The following RUNX1T1 variants were observed in gnomAD, a reference collection of about 807,000 sequenced individuals.
The protein encoded by RUNX1T1 is protein CBFA2T1.
A neutral mutation model predicts 62.8 loss-of-function variants in RUNX1T1; 4 were observed. The observed-to-expected ratio is 0.06, with a 90% CI of 0.03 to 0.15. The LOEUF (loss-of-function observed/expected upper bound fraction) is 0.15, where lower values mean the gene tolerates loss of function less well. RUNX1T1 is among the 10% of genes least tolerant of loss of function. The pLI is 1.00. For missense variants in RUNX1T1, 508 were observed against 754.3 expected (o/e 0.67, Z 3.82); for synonymous variants, 291 against 286.0 (o/e 1.02, Z -0.18).
chr8:91,995,182 G>A (rs1818426669), intron 5 of RUNX1T1, among the ~76,000 whole-genome samples: 1 of 152,140 alleles, frequency 6.6e-6, no homozygotes, highest in Non-Finnish European at 1.5e-5. Context: ...CTTGATCAAT[G>A]AAGGCAAAAA....
chr8:92,032,179 ACAG>A (rs1157502399), intron 1 of RUNX1T1, among the ~76,000 whole-genome samples: 1 of 151,580 alleles, frequency 6.6e-6, no homozygotes. Context: ...GATGGCCAAC[ACAG>A]CAGAATAAAA....
chr8:92,077,311 A>C (rs1295772264), intron 1 of RUNX1T1, among the ~76,000 whole-genome samples: 2 of 152,088 alleles, frequency 1.3e-5, no homozygotes, highest in African/African-American at 4.8e-5. Context: ...GGATCTTGGA[A>C]ACATTTAGCT....
intron 6 of RUNX1T1, among the ~76,000 whole-genome samples, chr8:91,988,216 T>C (rs778378614): frequency 3.9e-5 from 6 of 152,130 alleles, no homozygotes; most frequent in Non-Finnish European, 5.9e-5. Flanking sequence ...CATTTACAAC[T>C]GATGGAAGTG....
At chr8:92,099,686 AT>A (rs1837951606) in exon 1 of RUNX1T1, 3 of 982,472 alleles carry the variant, frequency 3.1e-6, no homozygotes, top group Non-Finnish European at 2.4e-6. Context: ...TGTTGCCTGC[AT>A]AAAACCTCAG....
At chr8:92,081,797 ATCTC>A (rs1225516971) in intron 1 of RUNX1T1, among the ~76,000 whole-genome samples, 7 of 151,792 alleles carry the variant, frequency 4.6e-5, no homozygotes, top group Non-Finnish European at 4.4e-5. Flanking sequence ...CTATCAACTG[ATCTC>A]TCTCTCTCTT....
exon 6 of RUNX1T1, chr8:91,991,674 C>T (rs1731223415): frequency 6.2e-7 from 1 of 1,613,934 alleles, no homozygotes; most frequent in Admixed American, 1.7e-5. Flanking sequence ...GTCCCTGTGG[C>T]TGGGGTGTCG....
chr8:92,102,751 C>A, upstream of RUNX1T1: 2 of 1,199,894 alleles, frequency 1.7e-6, no homozygotes, highest in South Asian at 3.3e-5. The surrounding 1 kb of genome is among the most constrained non-coding windows in gnomAD (Gnocchi z 4.5). Context: ...GCCTCGCGGT[C>A]GAATAATCCA....
intron 1 of RUNX1T1, among the ~76,000 whole-genome samples, chr8:92,091,252 A>T (rs1453996719): frequency 6.6e-6 from 1 of 152,216 alleles, no homozygotes; most frequent in East Asian, 1.9e-4. Flanking sequence ...AAACCGACCA[A>T]AACAAATGCC....
upstream of RUNX1T1, among the ~76,000 whole-genome samples, chr8:92,067,477 T>C (rs950736022): frequency 6.6e-6 from 1 of 152,226 alleles, no homozygotes; most frequent in African/African-American, 2.4e-5. Flanking sequence ...TAATGGACTC[T>C]ACGACTGTAC....
intron 1 of RUNX1T1, among the ~76,000 whole-genome samples, chr8:92,077,183 T>G (rs1433819481): frequency 6.6e-6 from 1 of 152,168 alleles, no homozygotes; most frequent in Non-Finnish European, 1.5e-5. Flanking sequence ...AATCAGTTGT[T>G]TCTTGCTCTT....
At chr8:92,086,297 C>A (rs1445140012) in intron 1 of RUNX1T1, among the ~76,000 whole-genome samples, 1 of 152,102 alleles carries the variant, frequency 6.6e-6, no homozygotes, top group Non-Finnish European at 1.5e-5. Context: ...CAAACAAAGT[C>A]CAATGTTTGA....
chr8:91,965,262 T>G (rs892867877), intron 10 of RUNX1T1, among the ~76,000 whole-genome samples: 1 of 152,184 alleles, frequency 6.6e-6, no homozygotes, highest in African/African-American at 2.4e-5. Context: ...CTTCCGCAAC[T>G]TCATTTGCTG....
intron 3 of RUNX1T1, among the ~76,000 whole-genome samples, chr8:92,013,057 G>C (rs1822288951): frequency 6.6e-6 from 1 of 151,656 alleles, no homozygotes. Context: ...AAATTTATAA[G>C]GCAATTTTCA....
chr8:91,981,289 A>G (rs949252725), intron 8 of RUNX1T1, among the ~76,000 whole-genome samples: 6 of 151,974 alleles, frequency 3.9e-5, no homozygotes, highest in African/African-American at 1.5e-4. Flanking sequence ...CCATAATTCA[A>G]TCATATGACA....
chr8:92,026,777 G>A (rs1439694195), intron 1 of RUNX1T1, among the ~76,000 whole-genome samples: 3 of 151,560 alleles, frequency 2.0e-5, no homozygotes, highest in Non-Finnish European at 4.4e-5. Context: ...AGCCAAGATC[G>A]TGCCACTGCA....
At chr8:91,981,426 T>G (rs1815230472) in intron 8 of RUNX1T1, among the ~76,000 whole-genome samples, 1 of 137,394 alleles carries the variant, frequency 7.3e-6, no homozygotes, top group Non-Finnish European at 1.6e-5. Flanking sequence ...TTTTTTTTTT[T>G]TTTTTTTTGA....
chr8:92,009,233 C>A (rs530214772), intron 4 of RUNX1T1, among the ~76,000 whole-genome samples: 13 of 152,108 alleles, frequency 8.5e-5, no homozygotes, highest in African/African-American at 3.1e-4. Flanking sequence ...AGAATGGTGT[C>A]TAATATCCTT....
At chr8:92,041,520 C>T (rs934983895) in intron 1 of RUNX1T1, among the ~76,000 whole-genome samples, 1 of 152,194 alleles carries the variant, frequency 6.6e-6, no homozygotes, top group African/African-American at 2.4e-5. Flanking sequence ...GTGGGCAGAT[C>T]ACTTGAGGCC....
intron 3 of RUNX1T1, among the ~76,000 whole-genome samples, chr8:92,013,304 G>A (rs1450615351): frequency 1.3e-5 from 2 of 152,202 alleles, no homozygotes. Flanking sequence ...AGGTGGAGCT[G>A]ATGGACTGTG....
Sources: allele counts gnomAD v4.1 joint callset (sites outside exome capture counted in the v4.1 genomes callset), GRCh38; gene constraint gnomAD v4.1.1; non-coding constraint Gnocchi (gnomAD v3.1); transcripts MANE v1.5; gene names NCBI Gene and HGNC (gene_info 2026-07-23, HGNC 2026-07-21).